The following CDH5 variants were observed in gnomAD, a reference collection of about 807,000 sequenced individuals.
The protein encoded by CDH5 is cadherin-5.
Under a neutral mutation model 62.0 loss-of-function variants are expected in CDH5, and 28 were observed. That is an observed-to-expected ratio of 0.45 (90% CI 0.33 to 0.62). The LOEUF (loss-of-function observed/expected upper bound fraction) is 0.62, where lower values mean the gene tolerates loss of function less well. Among genes scored for constraint, CDH5 ranks in the 20% least tolerant of loss-of-function variants. The pLI, the probability that CDH5 is intolerant of heterozygous loss-of-function variation, is 0.02. For missense variants in CDH5, 940 were observed against 1,065.1 expected (o/e 0.88, Z 1.63); for synonymous variants, 464 against 445.8 (o/e 1.04, Z -0.52).
intron 1 of CDH5, among the ~76,000 whole-genome samples, chr16:66,378,318 C>T (rs78550909): frequency 6.6e-6 from 1 of 152,190 alleles, no homozygotes; most frequent in South Asian, 2.1e-4. Context: ...GGCCAGACAA[C>T]CTTGGTTCAA....
At position 66,379,508 on chromosome 16, in the gene CDH5, T is replaced by C. The variant is rs767294371; in HGVS notation, c.171T>C (p.Asp57=). The C allele has an allele frequency of 2.5e-6, 4 of 1,614,024 alleles. No homozygotes were observed. Among genetic ancestry groups the C allele is most frequent in the East Asian group, 2.2e-5 (1 of 44,896 alleles). The part of the protein sequence containing the change: ...RDWIWNQMHI[D]EEKNTSLPHH... The stretch of plus-strand genomic sequence containing the variant: ...GGATTTGGAACCAGATGCACATTGA[T>C]GAAGAGAAAAACACCTCACTTCCCC... Residue 57 remains aspartate (D), a synonymous_variant, in exon 2 of 12, where the codon GAT becomes GAC. Transcript: ENST00000341529.
chr16:66,378,784 A>C (rs1960829129), intron 1 of CDH5, among the ~76,000 whole-genome samples: 1 of 151,872 alleles, frequency 6.6e-6, no homozygotes, highest in Admixed American at 6.6e-5. Context: ...GTCTATTTTC[A>C]CCCTCCCCAG....
chr16:66,396,308 C>A (rs1596944888), intron 8 of CDH5, 107 bp downstream of exon 8: 1 of 1,367,130 alleles, frequency 7.3e-7, no homozygotes, highest in Non-Finnish European at 1.0e-6. Flanking sequence ...TTAGAAGTGC[C>A]TGCTGAAGCA....
intron 2 of CDH5, among the ~76,000 whole-genome samples, chr16:66,381,089 T>C (rs1960890438): frequency 6.6e-6 from 1 of 152,172 alleles, no homozygotes; most frequent in African/African-American, 2.4e-5. Context: ...GGAAAAGAAC[T>C]GTGCAGCCTT....
rs1567470500 is a variant in CDH5 at position 66,403,287 on chromosome 16, C to T, written c.*118C>T. ...ACTCCCCAGCCCAGCACCCCTTCCTCGTGGGTCCCAGAGACCTCATCAGCC... is the reference window on the plus strand; with the variant it reads ...ACTCCCCAGCCCAGCACCCCTTCCTTGTGGGTCCCAGAGACCTCATCAGCC... On this transcript the variant is annotated 3_prime_UTR_variant, in exon 12 of 12. Coordinates refer to ENST00000341529, the MANE Select transcript of CDH5 (RefSeq NM_001795.5). This position sits in a 1 kb window ranked among gnomAD's most constrained non-coding sequence, Gnocchi z 4.3. The T allele has an allele frequency of 1.1e-6, 1 of 899,554 alleles. No homozygotes were observed. Among genetic ancestry groups the T allele is most frequent in the East Asian group, 2.6e-5 (1 of 37,880 alleles). 55.7% of individuals were successfully genotyped at this position (899,554 alleles called of 1,614,324 possible). A position where few individuals can be genotyped will look rare whatever the true frequency, so the allele number is the denominator to read the frequency against.
At chr16:66,392,506 T>G in intron 7 of CDH5, 123 bp downstream of exon 7, 1 of 1,369,390 alleles carries the variant, frequency 7.3e-7, no homozygotes, top group Non-Finnish European at 1.0e-6. Flanking sequence ...ACAGGGAAAG[T>G]GACAGAGGCA....
rs1350910316 is a variant in CDH5, at chr16:66,379,425, C to T, written c.88C>T (p.Pro30Ser). ...VAAVAAAGAN[P>S]AQRDTHSLLP... ...AGCAGTGGCAGCAGCAGGTGCTAAC[C>T]CTGCCCAACGGGACACCCACAGCCT... is the stretch of plus-strand genomic sequence containing the variant. The change falls in exon 2 of 12, where the codon CCT becomes TCT. Residue 30 changes from proline to serine, a missense_variant. Transcript: ENST00000341529. 1 of 1,614,208 alleles carries T rather than the reference C, an allele frequency of 6.2e-7. No individual in the cohort carries two copies. Among genetic ancestry groups the T allele is most frequent in the East Asian group, 2.2e-5 (1 of 44,892 alleles).
chr16:66,380,448 G>A (rs564880242), intron 2 of CDH5, among the ~76,000 whole-genome samples: 3 of 150,808 alleles, frequency 2.0e-5, no homozygotes, highest in Non-Finnish European at 4.4e-5. Context: ...TGGTGATGAT[G>A]GTGATGATAA....
intron 6 of CDH5, among the ~76,000 whole-genome samples, chr16:66,391,643 G>T (rs980730431): frequency 1.3e-5 from 2 of 152,106 alleles, no homozygotes; most frequent in Admixed American, 1.3e-4. Context: ...CGTGGTGGCA[G>T]GTGCCTGTAA....
At chr16:66,382,216 G>A (rs1465840685) in intron 2 of CDH5, among the ~76,000 whole-genome samples, 3 of 152,222 alleles carry the variant, frequency 2.0e-5, no homozygotes, top group Non-Finnish European at 4.4e-5. Flanking sequence ...AAAGATCTGT[G>A]TAGCATCTGA....
At chr16:66,379,618 G>A (rs1960850607) in intron 2 of CDH5, 71 bp downstream of exon 2, 1 of 1,316,310 alleles carries the variant, frequency 7.6e-7, no homozygotes, top group African/African-American at 1.4e-5. Flanking sequence ...TGGTGGTGAT[G>A]GCGATGGTGG....
intron 11 of CDH5, among the ~76,000 whole-genome samples, chr16:66,401,718 C>A (rs560733568): frequency 6.6e-6 from 1 of 152,324 alleles, no homozygotes; most frequent in East Asian, 1.9e-4. Flanking sequence ...ACTGGAGCCT[C>A]CTCCCATAGG....
At chr16:66,384,661 C>CCAA (rs1960952511) in intron 2 of CDH5, among the ~76,000 whole-genome samples, 1 of 101,600 alleles carries the variant, frequency 9.8e-6, no homozygotes, top group Non-Finnish European at 1.9e-5. Flanking sequence ...GTACCTGTCT[C>CCAA]AAAAAAAAAA....
At position 66,400,895 on chromosome 16, in the gene CDH5, C is replaced by A. The variant is rs112348868; in HGVS notation, c.1716C>A (p.Thr572=). 2.0e-5 allele frequency: 32 copies of A among 1,614,062 alleles called. No individual in the cohort carries two copies. In the African/African-American group the frequency reaches 3.2e-4, roughly 16 times the overall value. Reference sequence around the variant, plus strand: ...GTCGCACGGGCACCAGCACGCTGACCGTGGCCGTGTGCAAGTGCAACGAGC... The same window carrying A: ...GTCGCACGGGCACCAGCACGCTGACAGTGGCCGTGTGCAAGTGCAACGAGC... ...MPSRTGTSTL[T]VAVCKCNEQG... is the part of the protein sequence containing the mutation. Residue 572 remains threonine (T), a synonymous_variant, in exon 11 of 12, where the codon ACC becomes ACA. Coordinates refer to ENST00000341529, the MANE Select transcript of CDH5 (RefSeq NM_001795.5).
chr16:66,379,164 C>A, intron 1 of CDH5, 155 bp from the exon 2 acceptor site: 1 of 637,644 alleles, frequency 1.6e-6, no homozygotes, highest in Non-Finnish European at 2.8e-6. Context: ...ATGACTGCTC[C>A]CTGAAAGGGG....
intron 2 of CDH5, among the ~76,000 whole-genome samples, chr16:66,385,741 ACAGT>A (rs1398375040): frequency 3.3e-5 from 5 of 152,238 alleles, no homozygotes; most frequent in African/African-American, 9.6e-5. Context: ...ACCTCAAAAC[ACAGT>A]CAAAGGTAGC....
rs1219016714 is a variant in CDH5 at position 66,402,678 on chromosome 16, C to T, written c.1864C>T (p.Arg622Trp). ...GATCACCCTGCTCATCTTCCTGCGG[C>T]GGCGGCTCCGGAAGCAGGCCCGCGC... Reference protein sequence around the residue: ...TVITLLIFLRRRLRKQARAHG... With the variant: ...TVITLLIFLRWRLRKQARAHG... The change falls in exon 12 of 12, where the codon CGG (arginine) becomes TGG (tryptophan). Residue 622 changes from arginine (R) to tryptophan (W), a missense_variant. Coordinates refer to ENST00000341529, the MANE Select transcript of CDH5 (RefSeq NM_001795.5). 1.9e-6 allele frequency: 3 copies of T among 1,602,438 alleles called. No homozygotes were observed. Among genetic ancestry groups the T allele is most frequent in the South Asian group, 1.1e-5 (1 of 89,614 alleles).
intron 1 of CDH5, among the ~76,000 whole-genome samples, chr16:66,375,827 A>C (rs1596927648): frequency 6.6e-6 from 1 of 150,800 alleles, no homozygotes; most frequent in Non-Finnish European, 1.5e-5. Flanking sequence ...AAAAAAAGCC[A>C]CCGGCTACGG....
intron 1 of CDH5, among the ~76,000 whole-genome samples, chr16:66,369,777 T>C (rs1960651542): frequency 6.6e-6 from 1 of 152,196 alleles, no homozygotes; most frequent in African/African-American, 2.4e-5. Flanking sequence ...ACCCTCTACC[T>C]TCATTCAGTG....
Sources: allele counts gnomAD v4.1 joint callset (sites outside exome capture counted in the v4.1 genomes callset), GRCh38; gene constraint gnomAD v4.1.1; non-coding constraint Gnocchi (gnomAD v3.1); transcripts MANE v1.5; gene names NCBI Gene and HGNC (gene_info 2026-07-23, HGNC 2026-07-21).